STK3: variants seen among roughly 807,000 people sequenced by gnomAD.
STK3 encodes the protein serine/threonine-protein kinase 3.
STK3 carries 41 observed loss-of-function variants against 58.0 expected under a neutral mutation model. That is an observed-to-expected ratio of 0.71 (90% CI 0.55 to 0.92). The LOEUF is 0.92. Among genes scored for constraint, STK3 ranks in the 40% least tolerant of loss-of-function variants. The pLI, the probability that STK3 is intolerant of heterozygous loss-of-function variation, is 0.00. For synonymous variants in STK3, 170 were observed against 191.0 expected, an observed-to-expected ratio of 0.89 and a Z score of 0.91; for missense variants, 479 against 602.7, an observed-to-expected ratio of 0.79 and a Z score of 2.15.
intron 1 of STK3, among the ~76,000 whole-genome samples, chr8:98,913,131 C>CAA (rs71995197): frequency 0.11 from 15,621 of 143,014 alleles, 912 homozygotes; most frequent in African/African-American, 0.17. Context: ...ACATAAATGG[C>CAA]AAAAAAAAAA....
chr8:98,439,396 C>T (rs1230011945), intron 1 of STK3: 1 of 152,196 alleles, frequency 6.6e-6, no homozygotes, highest in African/African-American at 2.4e-5. Flanking sequence ...AGGCTGGAGA[C>T]CTGTGACATG....
At chr8:98,445,383 T>G (rs1468903046) in intron 1 of STK3, among the ~76,000 whole-genome samples, 1 of 152,144 alleles carries the variant, frequency 6.6e-6, no homozygotes, top group East Asian at 1.9e-4. Flanking sequence ...GTAGCCACAT[T>G]TTTTAAAAGT....
At position 98,629,085 on chromosome 8, in the gene STK3, CT is replaced by C. The variant is rs928842705; in HGVS notation, c.685-32917del. Among the ~76,000 whole-genome samples the C allele has an allele frequency of 1.2e-4, 19 of 152,104 alleles. 1 individual carries two copies. The highest frequency in any genetic ancestry group is 4.3e-4 in the African/African-American group (18 of 41,410). On this transcript the variant is annotated intron_variant, in intron 6 of 10. Transcript: ENST00000419617. ...TTTAGACACAGATTATACCAATTCT[CT>C]TTTCCCCCAATAAGAGATTTGTGAC...
intron 10 of STK3, among the ~76,000 whole-genome samples, chr8:98,504,686 A>T (rs1031346237): frequency 5.9e-5 from 9 of 152,180 alleles, no homozygotes; most frequent in Admixed American, 2.0e-4. Flanking sequence ...TGGGTTGAAA[A>T]TTCATTTCTT....
At chr8:98,498,483 T>C (rs1266494048) in intron 10 of STK3, among the ~76,000 whole-genome samples, 1 of 152,186 alleles carries the variant, frequency 6.6e-6, no homozygotes, top group Non-Finnish European at 1.5e-5. Context: ...GGCCCTGCCC[T>C]CCAAGAAATT....
intron 1 of STK3, chr8:98,904,598 TA>T: frequency 1.7e-6 from 1 of 579,272 alleles, no homozygotes. Context: ...CTCCAGTTTT[TA>T]AAAGGCTGAG....
chr8:98,832,657 G>A (rs531115489), intron 3 of STK3, among the ~76,000 whole-genome samples: 3 of 151,694 alleles, frequency 2.0e-5, no homozygotes, highest in East Asian at 3.9e-4. Flanking sequence ...TCATGGCTGG[G>A]AATTTAGTTT....
At chr8:98,915,258 T>C (rs924036058) in intron 1 of STK3, among the ~76,000 whole-genome samples, 1 of 151,806 alleles carries the variant, frequency 6.6e-6, no homozygotes, top group African/African-American at 2.4e-5. Flanking sequence ...AAAGAGAGAC[T>C]GGCCTAACCT....
At position 98,893,466 on chromosome 8, in the gene STK3, GAAAGAAAGAAAGAAAGAAAGAGAA is replaced by G. The variant is rs1838299568; in HGVS notation, c.-78-9656_-78-9633del. 1.8e-3 allele frequency among the ~76,000 whole-genome samples: 153 copies of G among 84,632 alleles called. 1 individual carries two copies. Among genetic ancestry groups the G allele is most frequent in the African/African-American group, 3.9e-3 (70 of 17,874 alleles). 55.5% of individuals were successfully genotyped at this position (84,632 alleles called of 152,430 possible). On this transcript the variant is annotated intron_variant, in intron 1 of 1. Coordinates refer to the STK3 transcript ENST00000519420. ...AGAAAGAAAGAAAGAAAGAAAGAAA[GAAAGAAAGAAAGAAAGAAAGAGAA>G]AGAAAGAAAGAAAGAAAGAAAGAAA... is the stretch of plus-strand genomic sequence containing the variant.
At chr8:98,379,119 G>A (rs1013646765) in intron 2 of STK3, 3 of 152,162 alleles carry the variant, frequency 2.0e-5, no homozygotes, top group Non-Finnish European at 4.4e-5. Flanking sequence ...GGGAAGCATG[G>A]TTTGGGTAAG....
intron 10 of STK3, among the ~76,000 whole-genome samples, chr8:98,520,134 A>C (rs1297914414): frequency 3.3e-5 from 5 of 152,166 alleles, no homozygotes; most frequent in Non-Finnish European, 5.9e-5. Context: ...TCTAACAAAA[A>C]CTGAAACATT....
intron 4 of STK3, among the ~76,000 whole-genome samples, chr8:98,737,219 G>A (rs1175441255): frequency 6.6e-6 from 1 of 152,038 alleles, no homozygotes; most frequent in Non-Finnish European, 1.5e-5. Context: ...TCATTTAAGT[G>A]AATATAATAA....
chr8:98,848,336 G>A lies in STK3; in HGVS notation c.110+35311C>T, dbSNP rs1836292983. Among the ~76,000 whole-genome samples, 3 of 151,256 alleles carry A rather than the reference G, an allele frequency of 2.0e-5. No individual in the cohort carries two copies. In the South Asian group the frequency reaches 6.3e-4, roughly 32 times the overall value. On this transcript the variant is annotated intron_variant, in intron 3 of 12. Coordinates refer to the STK3 transcript ENST00000523601. ...CTTCTCAGTGCTCCCTGCAACCTCC[G>A]CTTTCTGGGTTCAAGTGATTCTCCC...
At chr8:98,889,325 C>T (rs556461498) in intron 1 of STK3, among the ~76,000 whole-genome samples, 2 of 152,288 alleles carry the variant, frequency 1.3e-5, no homozygotes, top group East Asian at 3.9e-4. Context: ...CTCTTTCAGC[C>T]AAGTCTAGGG....
chr8:98,874,186 C>T (rs1587785285), intron 3 of STK3, among the ~76,000 whole-genome samples: 1 of 152,212 alleles, frequency 6.6e-6, no homozygotes, highest in East Asian at 1.9e-4. Flanking sequence ...TCTCTTCTGG[C>T]TTGCAGAGTT....
chr8:98,565,335 A>G (rs921892090), intron 8 of STK3, among the ~76,000 whole-genome samples: 9 of 152,196 alleles, frequency 5.9e-5, no homozygotes, highest in African/African-American at 2.2e-4. Flanking sequence ...ATAGCAATTT[A>G]TTAAATATTT....
At chr8:98,466,711 G>A (rs556984567) in intron 10 of STK3, among the ~76,000 whole-genome samples, 6 of 152,312 alleles carry the variant, frequency 3.9e-5, no homozygotes, top group South Asian at 2.1e-4. Flanking sequence ...CACAGAAAGC[G>A]TGTGTATGTA....
chr8:98,349,614 C>A, the STK3 span, among the ~76,000 whole-genome samples: 2 of 152,342 alleles, frequency 1.3e-5, no homozygotes, highest in East Asian at 3.9e-4. Flanking sequence ...ATACCTCACC[C>A]CAGCAGCAAA....
At chr8:98,457,134 T>G (rs1163817077) in intron 10 of STK3, among the ~76,000 whole-genome samples, 1 of 152,234 alleles carries the variant, frequency 6.6e-6, no homozygotes, top group Non-Finnish European at 1.5e-5. Context: ...TAATCAGCCC[T>G]GTTATTTTGT....
Sources: gnomAD v4.1 joint callset for allele counts (sites outside exome capture counted in the v4.1 genomes callset) on GRCh38, gnomAD v4.1.1 for gene constraint, MANE v1.5 for transcripts, NCBI Gene and HGNC (gene_info 2026-07-23, HGNC 2026-07-21) for gene names.